Variants in PHACTR2 observed in about 807,000 individuals in gnomAD.
The protein encoded by PHACTR2 is phosphatase and actin regulator 2.
PHACTR2 carries 30 observed loss-of-function variants against 76.0 expected under a neutral mutation model. The ratio of observed to expected loss-of-function variants is 0.39; its 90% CI spans 0.30 to 0.54. PHACTR2 has a LOEUF of 0.54. PHACTR2 is among the 20% of genes least tolerant of loss of function. The pLI is 0.61. For missense variants in PHACTR2, 696 were observed against 781.1 expected (o/e 0.89, Z 1.30); for synonymous variants, 292 against 292.5 (o/e 1.00, Z 0.02).
intron 2 of PHACTR2, among the ~76,000 whole-genome samples, chr6:143,718,607 G>C (rs774343901): frequency 3.9e-5 from 6 of 152,166 alleles, no homozygotes; most frequent in Non-Finnish European, 5.9e-5. Flanking sequence ...ATTTCTACTT[G>C]ACTGGCCTGC....
In PHACTR2 at chr6:143,644,340, C is replaced by T. The variant is rs556081816; in HGVS notation, c.13+36018C>T. ...AGAATGAGCCGGGCATGGTGGCGGG[C>T]GCTTGTAGTCCCAGCTACTCAGGAG... On this transcript the variant is annotated intron_variant, in intron 1 of 11. Transcript: ENST00000305766. 1.6e-3 allele frequency among the ~76,000 whole-genome samples: 250 copies of T among 151,918 alleles called. 1 individual carries two copies. Among genetic ancestry groups the T allele is most frequent in the Admixed American group, 1.8e-3 (27 of 15,238 alleles).
At position 143,585,396 on chromosome 6, in the gene PHACTR2, A is replaced by C. The variant is rs1360898593; in HGVS notation, c.217+48189A>C. On this transcript the variant is annotated intron_variant, in intron 1 of 11. Transcript: ENST00000367584. The surrounding 1 kb of genome is among the most constrained non-coding windows in gnomAD (Gnocchi z 5.2). ...AATGACTTGGCCAGGGCCAAATCTC[A>C]GTTAAAATAGAAGCTGAGATTCCAG... 6.6e-6 allele frequency among the ~76,000 whole-genome samples: 1 copy of C among 152,238 alleles called. No individual in the cohort carries two copies. Among genetic ancestry groups the C allele is most frequent in the Non-Finnish European group, 1.5e-5 (1 of 68,034 alleles).
Position 143,823,456 on chromosome 6 carries a change from T to G in PHACTR2, c.1923-218T>G, listed in dbSNP as rs1776468864. On this transcript the variant is annotated intron_variant, in intron 12 of 12. Coordinates refer to ENST00000440869, the MANE Select transcript of PHACTR2 (RefSeq NM_001100164.2). The surrounding 1 kb of genome is among the most constrained non-coding windows in gnomAD (Gnocchi z 5.7). ...TTTTATATAAGGTTTCCTTATATGC[T>G]TATATGTAAACATATATATAAGGAA... Among the ~76,000 whole-genome samples the G allele has an allele frequency of 6.6e-6, 1 of 152,250 alleles. No homozygotes were observed. The highest frequency in any genetic ancestry group is 2.4e-5 in the African/African-American group (1 of 41,466).
Position 143,591,543 on chromosome 6 carries a change from C to T in PHACTR2, c.217+54336C>T, listed in dbSNP as rs542502164. On this transcript the variant is annotated intron_variant, in intron 1 of 11. Coordinates refer to the PHACTR2 transcript ENST00000367584. The surrounding 1 kb of genome is among the most constrained non-coding windows in gnomAD (Gnocchi z 6.4). The stretch of plus-strand genomic sequence containing the variant: ...TGTGTTTCCAAGAGCAGCATGAACA[C>T]AGCCCAGAGAGGCCGCAGACCTGAG... 1.3e-5 allele frequency among the ~76,000 whole-genome samples: 2 copies of T among 152,302 alleles called. No homozygotes were observed. Among genetic ancestry groups the T allele is most frequent in the Admixed American group, 6.5e-5 (1 of 15,298 alleles).
In PHACTR2 at chr6:143,750,465, G is replaced by T. The variant is rs1326484983; in HGVS notation, c.295+1400G>T. ...CTTAACACTGGGCCATCAGCTTTAT[G>T]GGATGGGCCAATGCATTTATTAGAC... On this transcript the variant is annotated intron_variant, in intron 3 of 12. Coordinates refer to ENST00000440869, the MANE Select transcript of PHACTR2 (RefSeq NM_001100164.2). The surrounding 1 kb of genome is among the most constrained non-coding windows in gnomAD (Gnocchi z 4.6). Among the ~76,000 whole-genome samples the T allele has an allele frequency of 2.0e-5, 3 of 152,132 alleles. No homozygotes were observed. Among genetic ancestry groups the T allele is most frequent in the Non-Finnish European group, 4.4e-5 (3 of 68,024 alleles).
chr6:143,604,726 CA>C (rs2128436323), upstream of PHACTR2, among the ~76,000 whole-genome samples: 1 of 151,834 alleles, frequency 6.6e-6, no homozygotes, highest in East Asian at 1.9e-4. Flanking sequence ...ACTGAAAATA[CA>C]AAAATTAGCC....
At chr6:143,660,039 C>T in intron 1 of PHACTR2, among the ~76,000 whole-genome samples, 1 of 152,126 alleles carries the variant, frequency 6.6e-6, no homozygotes, top group African/African-American at 2.4e-5. Context: ...TTCTCAGTTA[C>T]TGCATTAAAA....
At position 143,731,042 on chromosome 6, in the gene PHACTR2, C is replaced by T. The variant is rs1259439744; in HGVS notation, c.215-17943C>T. Among the ~76,000 whole-genome samples the T allele has an allele frequency of 6.6e-6, 1 of 152,176 alleles. No individual in the cohort carries two copies. The highest frequency in any genetic ancestry group is 1.5e-5 in the Non-Finnish European group (1 of 68,034). ...AGATTACAGGCGTGAGCCACCACGT[C>T]CAGCCCAGTTGAAGGTTTTTATACA... On this transcript the variant is annotated intron_variant, in intron 2 of 12. Transcript: ENST00000440869. This position sits in a 1 kb window ranked among gnomAD's most constrained non-coding sequence, Gnocchi z 4.9.
At chr6:143,649,326 CACTA>C (rs1448065210) in intron 1 of PHACTR2, among the ~76,000 whole-genome samples, 2 of 152,158 alleles carry the variant, frequency 1.3e-5, no homozygotes, top group African/African-American at 4.8e-5. Flanking sequence ...TGCTGGTAAA[CACTA>C]ACTAATTCTA....
intron 2 of PHACTR2, among the ~76,000 whole-genome samples, chr6:143,714,465 G>A (rs1415186995): frequency 1.3e-5 from 2 of 152,218 alleles, no homozygotes; most frequent in African/African-American, 4.8e-5. Flanking sequence ...TGTAGTGGGA[G>A]TTAAGAAGGG....
rs1488478517 is a variant in PHACTR2, at chr6:143,764,535, AAAG to A, written c.695-725_695-723del. Among the ~76,000 whole-genome samples the A allele has an allele frequency of 2.6e-5, 4 of 152,000 alleles. No individual in the cohort carries two copies. Among genetic ancestry groups the A allele is most frequent in the Non-Finnish European group, 2.9e-5 (2 of 67,988 alleles). ...GACCTTGTCTCAAAAAAAAAAAAAAAAAGGAGCAACCCATGTAAATAGGTTTTG... is the reference window on the plus strand; with the variant it reads ...GACCTTGTCTCAAAAAAAAAAAAAAAGAGCAACCCATGTAAATAGGTTTTG... On this transcript the variant is annotated intron_variant, in intron 5 of 12. Transcript: ENST00000440869. The surrounding 1 kb of genome is among the most constrained non-coding windows in gnomAD (Gnocchi z 4.7).
At position 143,557,567 on chromosome 6, in the gene PHACTR2, T is replaced by A. The variant is rs1404579422; in HGVS notation, c.217+20360T>A. The stretch of plus-strand genomic sequence containing the variant: ...GATGGCTCACCCTCACCACACAGGG[T>A]CTCGATTTTTCGAGAACTGACCGGA... On this transcript the variant is annotated intron_variant, in intron 1 of 11. Coordinates refer to the PHACTR2 transcript ENST00000367584. This position sits in a 1 kb window ranked among gnomAD's most constrained non-coding sequence, Gnocchi z 5.5. 2 of 152,108 alleles carry A rather than the reference T, an allele frequency of 1.3e-5. No individual in the cohort carries two copies. The highest frequency in any genetic ancestry group is 2.4e-5 in the African/African-American group (1 of 41,390). 9.4% of individuals were successfully genotyped at this position (152,108 alleles called of 1,614,324 possible). A position where few individuals can be genotyped will look rare whatever the true frequency, so the allele number is the denominator to read the frequency against.
In PHACTR2 at chr6:143,772,197, C is replaced by T; in HGVS notation, c.1233-61C>T. 3 of 1,188,196 alleles carry T rather than the reference C, an allele frequency of 2.5e-6. 1 individual carries two copies. In the South Asian group the frequency reaches 3.7e-5, roughly 15 times the overall value. 73.6% of individuals were successfully genotyped at this position (1,188,196 alleles called of 1,614,324 possible). Reference sequence around the variant, plus strand: ...AAACTAGAGCTCTTTTTCTTAGTGTCAGTGCCGCCAAGGGTTGCTCTGAGC... The same window carrying T: ...AAACTAGAGCTCTTTTTCTTAGTGTTAGTGCCGCCAAGGGTTGCTCTGAGC... On this transcript the variant is annotated intron_variant, in intron 6 of 12. Coordinates refer to ENST00000440869, the MANE Select transcript of PHACTR2 (RefSeq NM_001100164.2). This position sits in a 1 kb window ranked among gnomAD's most constrained non-coding sequence, Gnocchi z 5.4.
rs1562322811 is a variant in PHACTR2 at position 143,827,188 on chromosome 6, A to ATATATATATATG, written c.*3505_*3516dup. The stretch of plus-strand genomic sequence containing the variant: ...TATATATATATATATATATATATAT[A>ATATATATATATG]TATATATATATGTATATTATATATA... On this transcript the variant is annotated 3_prime_UTR_variant, in exon 13 of 13. Transcript: ENST00000440869. The ATATATATATATG allele has an allele frequency of 1.5e-4, 19 of 130,174 alleles. No homozygotes were observed. The highest frequency in any genetic ancestry group is 2.5e-4 in the Non-Finnish European group (15 of 60,026). The allele number at this position is 130,174 out of a possible 1,614,324, so 8.1% of individuals were successfully genotyped here. A position where few individuals can be genotyped will look rare whatever the true frequency, so the allele number is the denominator to read the frequency against.
chr6:143,567,960 C>T (rs1203340254), intron 1 of PHACTR2, among the ~76,000 whole-genome samples: 7 of 152,184 alleles, frequency 4.6e-5, no homozygotes, highest in African/African-American at 1.7e-4. Context: ...CTCTGTCATG[C>T]CCTGGAGAGA....
chr6:143,560,568 G>A (rs926537247), intron 1 of PHACTR2, among the ~76,000 whole-genome samples: 1 of 152,210 alleles, frequency 6.6e-6, no homozygotes, highest in African/African-American at 2.4e-5. Context: ...TAGTTGCTGT[G>A]TCTGGGTGCT....
intron 4 of PHACTR2, among the ~76,000 whole-genome samples, chr6:143,759,533 G>A (rs1278015553): frequency 1.3e-5 from 2 of 151,848 alleles, no homozygotes; most frequent in African/African-American, 4.8e-5. Flanking sequence ...AAACACCTGT[G>A]GTCTCAGCTA....
At position 143,787,594 on chromosome 6, in the gene PHACTR2, C is replaced by T. The variant is rs2128479338; in HGVS notation, c.1708-1179C>T. ...CCCAGGAAAGGGCTGTTAATGACTA[C>T]AGAATGTAGACCCAGTGCAAAATAA... On this transcript the variant is annotated intron_variant, in intron 10 of 12. Transcript: ENST00000440869. This position sits in a 1 kb window ranked among gnomAD's most constrained non-coding sequence, Gnocchi z 4.6. Among the ~76,000 whole-genome samples, 1 of 152,206 alleles carries T rather than the reference C, an allele frequency of 6.6e-6. No homozygotes were observed. Among genetic ancestry groups the T allele is most frequent in the Admixed American group, 6.5e-5 (1 of 15,298 alleles).
rs929851276 is a variant in PHACTR2 at position 143,546,381 on chromosome 6, C to T, written c.217+9174C>T. Among the ~76,000 whole-genome samples, 13 of 151,440 alleles carry T rather than the reference C, an allele frequency of 8.6e-5. No individual in the cohort carries two copies. Among genetic ancestry groups the T allele is most frequent in the Middle Eastern group, 3.4e-3 (1 of 292 alleles). On this transcript the variant is annotated intron_variant, in intron 1 of 11. Transcript: ENST00000367584. This position sits in a 1 kb window ranked among gnomAD's most constrained non-coding sequence, Gnocchi z 4.9. ...TTAAAAAAAAAAAAAAACATGTTAT[C>T]TCTCTCTAGAACTTTGGACTGTGGC...
Sources: gnomAD v4.1 joint callset for allele counts (sites outside exome capture counted in the v4.1 genomes callset) on GRCh38, gnomAD v4.1.1 for gene constraint, Gnocchi (gnomAD v3.1) non-coding constraint, MANE v1.5 for transcripts, NCBI Gene and HGNC (gene_info 2026-07-23, HGNC 2026-07-21) for gene names.